SLC25A25: variants seen among roughly 807,000 people sequenced by gnomAD.
SLC25A25 encodes solute carrier family 25 member 25.
A neutral mutation model predicts 57.7 loss-of-function variants in SLC25A25; 32 were observed. That is an observed-to-expected ratio of 0.55 (90% CI 0.42 to 0.74). The LOEUF (loss-of-function observed/expected upper bound fraction) is 0.74, where lower values mean the gene tolerates loss of function less well. Ranked by LOEUF, SLC25A25 falls within the 30% of genes least tolerant of loss-of-function variation. The probability of loss-of-function intolerance (pLI) is 0.00; values close to 1 mark genes in which losing one functional copy is unlikely to be tolerated. For missense variants in SLC25A25, 556 were observed against 701.3 expected (o/e 0.79, Z 2.34); for synonymous variants, 306 against 291.2 (o/e 1.05, Z -0.52).
At chr9:128,083,509 T>TC (rs1483532379) in intron 1 of SLC25A25, among the ~76,000 whole-genome samples, 1 of 63,054 alleles carries the variant, frequency 1.6e-5, no homozygotes, top group Non-Finnish European at 4.4e-5. Flanking sequence ...TTTTTTTCTT[T>TC]TTTCTTTTTT....
chr9:128,087,088 G>A (rs1160238549), intron 1 of SLC25A25, among the ~76,000 whole-genome samples: 2 of 151,870 alleles, frequency 1.3e-5, no homozygotes, highest in Non-Finnish European at 2.9e-5. Flanking sequence ...GGTGGCGGGT[G>A]CCTGTAATCC....
Position 128,095,789 on chromosome 9 carries a change from G to T in SLC25A25, c.262-5307G>T, listed in dbSNP as rs1384670506. On this transcript the variant is annotated intron_variant, in intron 1 of 10. Coordinates refer to ENST00000373069, the MANE Select transcript of SLC25A25 (RefSeq NM_001330988.2). This position sits in a 1 kb window ranked among gnomAD's most constrained non-coding sequence, Gnocchi z 4.4. The stretch of plus-strand genomic sequence containing the variant: ...CGCGCCACTGCACTCCAGCCTGGGC[G>T]ACAGAGCAAGACTCCATCTTAGGAA... Among the ~76,000 whole-genome samples the T allele has an allele frequency of 6.6e-6, 1 of 152,080 alleles. No homozygotes were observed. Among genetic ancestry groups the T allele is most frequent in the Admixed American group, 6.6e-5 (1 of 15,266 alleles).
intron 1 of SLC25A25, among the ~76,000 whole-genome samples, chr9:128,074,905 G>T (rs763662767): frequency 5.3e-5 from 8 of 152,126 alleles, no homozygotes; most frequent in Middle Eastern, 6.8e-3. Context: ...GGAGGCTGAG[G>T]TGGGCAGATC....
Position 128,075,964 on chromosome 9 carries a change from G to A in SLC25A25, c.261+7384G>A, listed in dbSNP as rs371897055. On this transcript the variant is annotated intron_variant, in intron 1 of 10. Transcript: ENST00000373069. ...TTCATTTCTATTCCAGCTGAGTCTT[G>A]AATTCCTGGGCTCAAGCGATCCTCT... Among the ~76,000 whole-genome samples the A allele has an allele frequency of 3.0e-4, 46 of 152,238 alleles. No individual in the cohort carries two copies. The South Asian group carries it at 9.5e-3, about 32-fold the overall frequency.
Position 128,099,532 on chromosome 9 carries a change from A to G in SLC25A25, c.262-1564A>G, listed in dbSNP as rs1439053618. On this transcript the variant is annotated intron_variant, in intron 1 of 10. Coordinates refer to ENST00000373069, the MANE Select transcript of SLC25A25 (RefSeq NM_001330988.2). This position sits in a 1 kb window ranked among gnomAD's most constrained non-coding sequence, Gnocchi z 6.8. ...TAAATGGCTTGTCCACTCTATTTCC[A>G]TTCCTGTTAGAGATTTGGAGCAGTC... The G allele has an allele frequency of 1.9e-6, 1 of 527,796 alleles. No individual in the cohort carries two copies. Among genetic ancestry groups the G allele is most frequent in the African/African-American group, 2.1e-5 (1 of 47,056 alleles). 32.7% of individuals were successfully genotyped at this position (527,796 alleles called of 1,614,324 possible). A position where few individuals can be genotyped will look rare whatever the true frequency, so the allele number is the denominator to read the frequency against.
chr9:128,087,886 C>T (rs552497001), intron 1 of SLC25A25, among the ~76,000 whole-genome samples: 4 of 152,162 alleles, frequency 2.6e-5, no homozygotes, highest in Admixed American at 6.5e-5. Context: ...TTTTAATCTG[C>T]GGAGTCTCTA....
rs768343400 is a variant in SLC25A25 at position 128,102,494 on chromosome 9, T to C, written c.624+13T>C. On this transcript the variant is annotated intron_variant, in intron 5 of 10. Transcript: ENST00000373069. This position sits in a 1 kb window ranked among gnomAD's most constrained non-coding sequence, Gnocchi z 4.1. ...GAAGCATTCCACGGTGAGCCCCACG[T>C]GCCCAGGGCCCTCATCTGCTCCCAG... 1.9e-6 allele frequency: 3 copies of C among 1,605,492 alleles called. No homozygotes were observed. The highest frequency in any genetic ancestry group is 2.7e-5 in the African/African-American group (2 of 74,698).
chr9:128,098,393 A>T, intron 1 of SLC25A25: 1 of 1,296,924 alleles, frequency 7.7e-7, no homozygotes, highest in Non-Finnish European at 1.0e-6. Context: ...GGCTGTTGGC[A>T]GGACTTGCCG....
chr9:128,100,250 G>A (rs1258379434), intron 1 of SLC25A25, among the ~76,000 whole-genome samples: 1 of 152,136 alleles, frequency 6.6e-6, no homozygotes, highest in Non-Finnish European at 1.5e-5. Flanking sequence ...TGCGGCCGGT[G>A]CTAGGTGCTG....
At chr9:128,100,039 AG>A (rs1390023314) in intron 1 of SLC25A25, among the ~76,000 whole-genome samples, 1 of 152,162 alleles carries the variant, frequency 6.6e-6, no homozygotes, top group Non-Finnish European at 1.5e-5. Context: ...CAGGATGTGC[AG>A]GGAGGCGGCT....
chr9:128,099,564 T>C lies in SLC25A25; in HGVS notation c.262-1532T>C, dbSNP rs1833703364. ...TTAGAGATTTGGAGCAGTCACCCTA[T>C]AGGTGATTTATGTCACTCTTGTCTG... On this transcript the variant is annotated intron_variant, in intron 1 of 10. Transcript: ENST00000373069. This position sits in a 1 kb window ranked among gnomAD's most constrained non-coding sequence, Gnocchi z 6.8. Among the ~76,000 whole-genome samples the C allele has an allele frequency of 6.6e-6, 1 of 152,222 alleles. No individual in the cohort carries two copies. Among genetic ancestry groups the C allele is most frequent in the African/African-American group, 2.4e-5 (1 of 41,452 alleles).
At chr9:128,091,732 C>T (rs901673507) in intron 1 of SLC25A25, 77 of 1,459,782 alleles carry the variant, frequency 5.3e-5, no homozygotes, top group Admixed American at 2.7e-4. Context: ...AGCAGGAAAC[C>T]GCCCCTGCAT....
In SLC25A25 at chr9:128,102,046, GCT is replaced by G. The variant is rs1833820191; in HGVS notation, c.477-28_477-27del. 1.9e-6 allele frequency: 3 copies of G among 1,550,340 alleles called. No homozygotes were observed. The South Asian group carries it at 3.6e-5, about 18-fold the overall frequency. On this transcript the variant is annotated intron_variant, in intron 3 of 10. Transcript: ENST00000373069. This position sits in a 1 kb window ranked among gnomAD's most constrained non-coding sequence, Gnocchi z 4.1. ...CCGAGCACTTATGCGTGTTGTTTCT[GCT>G]CTCTCCTCCGCATCCTTTGTCTGTC...
At chr9:128,069,196 G>A (rs1832847335) in intron 1 of SLC25A25, among the ~76,000 whole-genome samples, 1 of 152,214 alleles carries the variant, frequency 6.6e-6, no homozygotes, top group African/African-American at 2.4e-5. Flanking sequence ...GAATCCGGGG[G>A]AAATTTTTTT....
At chr9:128,072,211 A>AC (rs1832923050) in intron 1 of SLC25A25, among the ~76,000 whole-genome samples, 1 of 152,168 alleles carries the variant, frequency 6.6e-6, no homozygotes, top group Non-Finnish European at 1.5e-5. Context: ...TGCCTCTTGT[A>AC]CCCCCATACC....
intron 1 of SLC25A25, among the ~76,000 whole-genome samples, chr9:128,069,937 T>A (rs1832864906): frequency 7.1e-6 from 1 of 141,366 alleles, no homozygotes; most frequent in Non-Finnish European, 1.5e-5. Flanking sequence ...TTTTTTTTTT[T>A]GAGAGAGTCT....
At chr9:128,098,749 G>A in intron 1 of SLC25A25, 1 of 1,611,466 alleles carries the variant, frequency 6.2e-7, no homozygotes, top group Non-Finnish European at 8.5e-7. Flanking sequence ...CCGCGCGGAA[G>A]GGAGAGGCGC....
intron 1 of SLC25A25, chr9:128,098,955 A>T: frequency 1.0e-6 from 1 of 985,442 alleles, no homozygotes; most frequent in Non-Finnish European, 1.2e-6. Flanking sequence ...GTTGTGAGAA[A>T]TGGACTTTCA....
At chr9:128,093,801 T>C (rs184570179) in intron 1 of SLC25A25, among the ~76,000 whole-genome samples, 2 of 152,366 alleles carry the variant, frequency 1.3e-5, no homozygotes, top group Admixed American at 1.3e-4. Flanking sequence ...TGATTGGGGC[T>C]GGCCTCACCA....
Sources: gnomAD v4.1 joint callset for allele counts (sites outside exome capture counted in the v4.1 genomes callset) on GRCh38, gnomAD v4.1.1 for gene constraint, Gnocchi (gnomAD v3.1) non-coding constraint, MANE v1.5 for transcripts, NCBI Gene and HGNC (gene_info 2026-07-23, HGNC 2026-07-21) for gene names.